Variants in CABIN1 observed in about 807,000 individuals in gnomAD.
The protein encoded by CABIN1 is calcineurin binding protein 1.
A neutral mutation model predicts 227.7 loss-of-function variants in CABIN1; 133 were observed. The ratio of observed to expected loss-of-function variants is 0.58; its 90% CI spans 0.51 to 0.67. CABIN1 has a LOEUF of 0.67. Among genes scored for constraint, CABIN1 ranks in the 30% least tolerant of loss-of-function variants. The pLI, the probability that CABIN1 is intolerant of heterozygous loss-of-function variation, is 0.00. For synonymous variants in CABIN1, 1,086 were observed against 1,155.1 expected (o/e 0.94, Z 1.21); for missense variants, 2,408 against 2,852.5 (o/e 0.84, Z 3.55).
chr22:24,147,976 A>G (rs543955089), intron 29 of CABIN1, among the ~76,000 whole-genome samples: 2 of 152,200 alleles, frequency 1.3e-5, no homozygotes, highest in Non-Finnish European at 2.9e-5. Flanking sequence ...TCTGGGTGTG[A>G]GCAGGCAGGA....
intron 17 of CABIN1, among the ~76,000 whole-genome samples, chr22:24,072,022 CTT>C (rs1239517789): frequency 2.6e-5 from 4 of 152,182 alleles, no homozygotes; most frequent in African/African-American, 9.7e-5. Context: ...CATACTGACT[CTT>C]TGCACTTGTG....
intron 1 of CABIN1, among the ~76,000 whole-genome samples, chr22:24,033,929 A>G (rs1180865097): frequency 6.6e-6 from 1 of 152,156 alleles, no homozygotes; most frequent in East Asian, 1.9e-4. Flanking sequence ...CTTCTCTCCA[A>G]GCCCACTAAA....
At chr22:24,032,680 A>G (rs894475625) in intron 1 of CABIN1, among the ~76,000 whole-genome samples, 6 of 152,338 alleles carry the variant, frequency 3.9e-5, no homozygotes, top group Admixed American at 3.9e-4. Context: ...CTTTGATAAC[A>G]GCCTAGATGG....
At chr22:24,017,713 A>G (rs1018507794) in intron 1 of CABIN1, among the ~76,000 whole-genome samples, 4 of 152,134 alleles carry the variant, frequency 2.6e-5, no homozygotes, top group African/African-American at 9.7e-5. Context: ...AGGCTGAATA[A>G]TAAATGTTTC....
chr22:24,167,326 C>T lies in CABIN1; in HGVS notation c.5682+13C>T, dbSNP rs369655859. The T allele has an allele frequency of 1.2e-6, 2 of 1,609,332 alleles. No individual in the cohort carries two copies. Among genetic ancestry groups the T allele is most frequent in the Non-Finnish European group, 1.7e-6 (2 of 1,178,122 alleles). ...GCTCATCAAGCAGGTGGGTGGCAGG[C>T]AGAGGCCTGGGGGCACTAGTCTGCT... On this transcript the variant is annotated intron_variant, in intron 32 of 36. Coordinates refer to ENST00000263119, the MANE Select transcript of CABIN1 (RefSeq NM_012295.4).
intron 22 of CABIN1, among the ~76,000 whole-genome samples, chr22:24,085,399 A>G (rs1335372390): frequency 6.6e-6 from 1 of 152,220 alleles, no homozygotes; most frequent in East Asian, 1.9e-4. Context: ...AAGGGTTATT[A>G]GAGAAGGTAC....
intron 29 of CABIN1, among the ~76,000 whole-genome samples, chr22:24,137,616 C>G (rs1210381613): frequency 6.6e-6 from 1 of 152,362 alleles, no homozygotes; most frequent in Admixed American, 6.5e-5. Context: ...GCTGCTTTTA[C>G]CATCGTTTGG....
intron 33 of CABIN1, among the ~76,000 whole-genome samples, chr22:24,170,519 C>G (rs936726540): frequency 1.3e-5 from 2 of 152,174 alleles, no homozygotes; most frequent in African/African-American, 4.8e-5. Flanking sequence ...ACTGGTATTG[C>G]CGCAGGCCCG....
At chr22:24,115,888 G>A (rs922176178) in intron 27 of CABIN1, among the ~76,000 whole-genome samples, 5 of 152,096 alleles carry the variant, frequency 3.3e-5, no homozygotes, top group African/African-American at 7.2e-5. Context: ...CCTCACTCAC[G>A]CGTATTTGTT....
intron 10 of CABIN1, 24 bp from the exon 11 acceptor site, chr22:24,059,203 G>T: frequency 6.2e-7 from 1 of 1,614,086 alleles, no homozygotes; most frequent in Middle Eastern, 1.7e-4. Flanking sequence ...TTGTGACTTT[G>T]TGATTTTGGC....
At chr22:24,168,327 C>A in intron 32 of CABIN1, 120 bp from the exon 33 acceptor site, 1 of 934,686 alleles carries the variant, frequency 1.1e-6, no homozygotes, top group Non-Finnish European at 1.7e-6. Context: ...TGTTGGGGGG[C>A]ACCCGAGCCA....
Position 24,177,587 on chromosome 22 carries a change from A to AC in CABIN1, c.6290dup (p.Ala2098SerfsTer23). 6.2e-7 allele frequency: 1 copy of AC among 1,608,002 alleles called. No homozygotes were observed. The highest frequency in any genetic ancestry group is 1.1e-5 in the South Asian group (1 of 90,730). ...GACTCAGCCCCTGAGCTCTCCCCCA[A>AC]CAGCTGCCAGCTCCAAGGCCCCCAG... is the stretch of plus-strand genomic sequence containing the variant. On this transcript the variant is annotated frameshift_variant, in exon 36 of 37. Transcript: ENST00000263119. LOFTEE classifies it high-confidence loss of function. This position sits in a 1 kb window ranked among gnomAD's most constrained non-coding sequence, Gnocchi z 4.4.
At chr22:24,039,159 C>G (rs34261353) in intron 4 of CABIN1, among the ~76,000 whole-genome samples, 2,799 of 152,218 alleles carry the variant, frequency 0.018, 33 homozygotes, top group Middle Eastern at 0.031. Context: ...CGTTTGTTTT[C>G]AAGTTTTCAT....
chr22:24,123,989 G>C (rs2043570408), intron 28 of CABIN1, among the ~76,000 whole-genome samples: 1 of 152,228 alleles, frequency 6.6e-6, no homozygotes, highest in Non-Finnish European at 1.5e-5. Context: ...CTCCAGGTGA[G>C]GCTCTGCCTG....
intron 29 of CABIN1, among the ~76,000 whole-genome samples, chr22:24,157,569 G>A (rs2045912452): frequency 6.6e-6 from 1 of 152,206 alleles, no homozygotes; most frequent in African/African-American, 2.4e-5. Flanking sequence ...GAAATCATGT[G>A]TTAAAGGAGC....
chr22:24,046,252 A>G (rs1370912756), intron 6 of CABIN1, among the ~76,000 whole-genome samples: 1 of 152,196 alleles, frequency 6.6e-6, no homozygotes, highest in African/African-American at 2.4e-5. Context: ...GCATTTGCAC[A>G]ATGTAGCCAT....
chr22:24,063,289 G>T, intron 14 of CABIN1, 143 bp downstream of exon 14: 1 of 819,000 alleles, frequency 1.2e-6, no homozygotes, highest in East Asian at 2.6e-5. Context: ...GCACCTGCCC[G>T]GGCACTGGGC....
At chr22:24,028,327 C>CA (rs1329493030) in intron 1 of CABIN1, among the ~76,000 whole-genome samples, 1 of 152,002 alleles carries the variant, frequency 6.6e-6, no homozygotes, top group East Asian at 1.9e-4. Flanking sequence ...TGAAGTGTGT[C>CA]AAAAAAACGG....
chr22:24,162,079 C>G (rs1047462489), intron 29 of CABIN1: 1 of 152,320 alleles, frequency 6.6e-6, no homozygotes, highest in Non-Finnish European at 1.5e-5. Flanking sequence ...CCCAGCTCCA[C>G]CTGGTGTAGG....
Sources: gnomAD v4.1 joint callset for allele counts (sites outside exome capture counted in the v4.1 genomes callset) on GRCh38, gnomAD v4.1.1 for gene constraint, Gnocchi (gnomAD v3.1) non-coding constraint, MANE v1.5 for transcripts, NCBI Gene and HGNC (gene_info 2026-07-23, HGNC 2026-07-21) for gene names.